Variants in SGPP2 observed in about 807,000 individuals in gnomAD.
The protein encoded by SGPP2 is sphingosine 1-phosphate phosphohydrolase 2.
Under a neutral mutation model 33.9 loss-of-function variants are expected in SGPP2, and 30 were observed. That is an observed-to-expected ratio of 0.89 (90% CI 0.66 to 1.20). SGPP2 has a LOEUF of 1.20. Ranked by LOEUF, SGPP2 falls within the 50% of genes most tolerant of loss-of-function variation. The probability of loss-of-function intolerance (pLI) is 0.00; values close to 1 mark genes in which losing one functional copy is unlikely to be tolerated. For synonymous variants in SGPP2, 233 were observed against 225.0 expected (o/e 1.04, Z -0.32); for missense variants, 458 against 532.1 (o/e 0.86, Z 1.37).
rs77838262 is a variant in SGPP2 at position 222,557,973 on chromosome 2, T to C, written c.649-374T>C. On this transcript the variant is annotated intron_variant, in intron 4 of 4. Transcript: ENST00000321276. ...GCCTGCAGCCCAACCCCCAGGTGGA[T>C]GAAAGGATGGTGACACCTCGGTGAA... 7.6e-3 allele frequency among the ~76,000 whole-genome samples: 1,155 copies of C among 152,290 alleles called. 14 individuals carry two copies. The highest frequency in any genetic ancestry group is 0.027 in the African/African-American group (1,110 of 41,552).
At chr2:222,434,975 T>TATACACAC (rs1235621885) in intron 1 of SGPP2, among the ~76,000 whole-genome samples, 6 of 146,088 alleles carry the variant, frequency 4.1e-5, no homozygotes, top group African/African-American at 1.0e-4. Context: ...TGGAGATATA[T>TATACACAC]ACACACACAC....
At chr2:222,490,604 ATTTTTTT>A (rs60235375) in intron 2 of SGPP2, among the ~76,000 whole-genome samples, 41 of 115,468 alleles carry the variant, frequency 3.6e-4, no homozygotes, top group African/African-American at 1.2e-3. Flanking sequence ...CACCTGGCTA[ATTTTTTT>A]TTTTTTTTTT....
intron 1 of SGPP2, among the ~76,000 whole-genome samples, chr2:222,449,278 CT>C: frequency 6.6e-6 from 1 of 152,280 alleles, no homozygotes; most frequent in Admixed American, 6.5e-5. Flanking sequence ...ACATCATCCA[CT>C]TTTTGACATT....
At chr2:222,454,736 A>G (rs1019527184) in intron 1 of SGPP2, among the ~76,000 whole-genome samples, 1 of 151,376 alleles carries the variant, frequency 6.6e-6, no homozygotes, top group African/African-American at 2.4e-5. Flanking sequence ...GAGCTGTTAA[A>G]AAAAAAAAAA....
At chr2:222,447,083 A>G (rs1697409509) in intron 1 of SGPP2, among the ~76,000 whole-genome samples, 1 of 152,180 alleles carries the variant, frequency 6.6e-6, no homozygotes, top group African/African-American at 2.4e-5. Context: ...CTCTTTCTTT[A>G]TGCTCCTCCA....
At chr2:222,558,203 C>A in intron 4 of SGPP2, 144 bp from the exon 5 acceptor site, 1 of 905,914 alleles carries the variant, frequency 1.1e-6, no homozygotes, top group Non-Finnish European at 1.6e-6. Context: ...TAGAACTTTA[C>A]ACTTTCTTTG....
chr2:222,542,421 A>C (rs1168434533), intron 4 of SGPP2, among the ~76,000 whole-genome samples: 1 of 152,166 alleles, frequency 6.6e-6, no homozygotes. Context: ...TTTCCTCTTG[A>C]GTATGAACGC....
chr2:222,527,812 G>C (rs1436027656), intron 4 of SGPP2, among the ~76,000 whole-genome samples: 1 of 152,200 alleles, frequency 6.6e-6, no homozygotes, highest in South Asian at 2.1e-4. Context: ...TTTAGTAGAA[G>C]GGAACAGTTG....
chr2:222,557,452 A>G (rs6707323), intron 4 of SGPP2, among the ~76,000 whole-genome samples: 132,429 of 152,238 alleles, frequency 0.87, 58,671 homozygotes, highest in East Asian at 1. Context: ...CTAAGCAAGA[A>G]AAATAAATAA....
intron 1 of SGPP2, among the ~76,000 whole-genome samples, chr2:222,441,667 G>A (rs1008888188): frequency 2.6e-5 from 4 of 151,904 alleles, no homozygotes; most frequent in Admixed American, 6.6e-5. Flanking sequence ...TGTATACTCT[G>A]CATTGTTTAC....
At chr2:222,490,171 A>G (rs537730460) in intron 2 of SGPP2, among the ~76,000 whole-genome samples, 1 of 152,282 alleles carries the variant, frequency 6.6e-6, no homozygotes, top group African/African-American at 2.4e-5. Flanking sequence ...TTTATGTAGA[A>G]GATACAAAAC....
intron 1 of SGPP2, among the ~76,000 whole-genome samples, chr2:222,450,229 T>G (rs1697463173): frequency 6.6e-6 from 1 of 152,216 alleles, no homozygotes; most frequent in African/African-American, 2.4e-5. Context: ...GCCTGGCAGA[T>G]GGAGGTGACA....
intron 1 of SGPP2, among the ~76,000 whole-genome samples, chr2:222,436,040 T>G (rs756808254): frequency 2.0e-5 from 3 of 152,218 alleles, no homozygotes; most frequent in Non-Finnish European, 4.4e-5. Flanking sequence ...TAATGGATCT[T>G]CTGTATTCCA....
rs1272503435 is a variant in SGPP2 at position 222,559,022 on chromosome 2, C to T, written c.*124C>T. The T allele has an allele frequency of 1.2e-6, 1 of 864,458 alleles. No individual in the cohort carries two copies. The highest frequency in any genetic ancestry group is 2.6e-5 in the East Asian group (1 of 38,316). The allele number at this position is 864,458 out of a possible 1,614,324, so 53.5% of individuals were successfully genotyped here. ...AACAAAAAGTCATACGGCTGTCTTG[C>T]TACTACCAGATAAATGATGCTGCTG... On this transcript the variant is annotated 3_prime_UTR_variant, in exon 5 of 5. Transcript: ENST00000321276.
At chr2:222,426,963 T>C (rs993818004) in intron 1 of SGPP2, among the ~76,000 whole-genome samples, 1 of 152,242 alleles carries the variant, frequency 6.6e-6, no homozygotes, top group African/African-American at 2.4e-5. Context: ...CCACTCATCC[T>C]TCTATTTCCA....
chr2:222,525,982 A>G (rs983481721), intron 4 of SGPP2, among the ~76,000 whole-genome samples: 2 of 152,110 alleles, frequency 1.3e-5, no homozygotes, highest in Admixed American at 6.5e-5. Flanking sequence ...GGCCGAAGTA[A>G]CTCAGAGAAG....
chr2:222,434,973 T>TACAC (rs1205339986), intron 1 of SGPP2, among the ~76,000 whole-genome samples: 197 of 17,922 alleles, frequency 0.011, 2 homozygotes, highest in East Asian at 8.4e-3. Context: ...AATGGAGATA[T>TACAC]ATACACACAC....
intron 2 of SGPP2, among the ~76,000 whole-genome samples, chr2:222,503,680 T>C (rs1241453591): frequency 6.6e-6 from 1 of 152,228 alleles, no homozygotes; most frequent in Non-Finnish European, 1.5e-5. Context: ...GAAATTTTCT[T>C]GATGGCAGCA....
At chr2:222,453,121 G>T in intron 1 of SGPP2, 2 of 313,606 alleles carry the variant, frequency 6.4e-6, no homozygotes, top group Non-Finnish European at 1.1e-5. Context: ...ACTATCCTCA[G>T]ATCCATGGAG....
Sources: allele counts gnomAD v4.1 joint callset (sites outside exome capture counted in the v4.1 genomes callset), GRCh38; gene constraint gnomAD v4.1.1; transcripts MANE v1.5; gene names NCBI Gene and HGNC (gene_info 2026-07-23, HGNC 2026-07-21).